SAP30L: variants seen among roughly 807,000 people sequenced by gnomAD.
SAP30L encodes the protein histone deacetylase complex subunit SAP30L.
SAP30L carries 10 observed loss-of-function variants against 22.3 expected under a neutral mutation model. The observed-to-expected ratio is 0.45, with a 90% CI of 0.28 to 0.76. The LOEUF (loss-of-function observed/expected upper bound fraction) is 0.76. Ranked by LOEUF, SAP30L falls within the 30% of genes least tolerant of loss-of-function variation. The pLI is 0.14. For synonymous variants in SAP30L, 91 were observed against 94.1 expected, an observed-to-expected ratio of 0.97 and a Z score of 0.19; for missense variants, 206 against 237.9, an observed-to-expected ratio of 0.87 and a Z score of 0.88.
chr5:154,460,334 G>C lies in SAP30L; in HGVS notation c.*4306G>C, dbSNP rs546698007. On this transcript the variant is annotated 3_prime_UTR_variant, in exon 4 of 4. Transcript: ENST00000297109. ...ATTTAAATTCTCATGAAATGTGCTT[G>C]GTCTGTGATCTCTTGGTCAGATATC... 4.6e-5 allele frequency: 7 copies of C among 152,326 alleles called. No individual in the cohort carries two copies. Among genetic ancestry groups the C allele is most frequent in the South Asian group, 4.1e-4 (2 of 4,830 alleles). 9.4% of individuals were successfully genotyped at this position (152,326 alleles called of 1,614,324 possible). A position where few individuals can be genotyped will look rare whatever the true frequency, so the allele number is the denominator to read the frequency against.
rs755162808 is a variant in SAP30L at position 154,446,790 on chromosome 5, G to A, written c.186G>A (p.Leu62=). 6.2e-7 allele frequency: 1 copy of A among 1,604,134 alleles called. No homozygotes were observed. The highest frequency in any genetic ancestry group is 1.1e-5 in the South Asian group (1 of 90,146). The change falls in exon 1 of 4, where the codon CTG becomes CTA. Residue 62 remains leucine, a synonymous_variant. Transcript: ENST00000297109. ...QKSISQKKLK[L]DIDKSVRHLY... ...GCATCTCGCAGAAGAAACTCAAGCTGGACATCGACAAGAGCGTGAGTCCGC... is the reference window on the plus strand; with the variant it reads ...GCATCTCGCAGAAGAAACTCAAGCTAGACATCGACAAGAGCGTGAGTCCGC...
Position 154,449,326 on chromosome 5 carries a change from G to C in SAP30L, c.202-1765G>C, listed in dbSNP as rs189542417. The stretch of plus-strand genomic sequence containing the variant: ...CTGGAGTAGGAAAAGACATGTACTG[G>C]GGGGGCAGAAGGCCTGGGTGACCTT... On this transcript the variant is annotated intron_variant, in intron 1 of 3. Coordinates refer to ENST00000297109, the MANE Select transcript of SAP30L (RefSeq NM_024632.6). Among the ~76,000 whole-genome samples the C allele has an allele frequency of 5.2e-3, 784 of 152,218 alleles. 7 individuals are homozygous for C. Among genetic ancestry groups the C allele is most frequent in the African/African-American group, 0.018 (729 of 41,522 alleles).
chr5:154,447,952 C>CT (rs1219989822), intron 1 of SAP30L, among the ~76,000 whole-genome samples: 17 of 115,446 alleles, frequency 1.5e-4, no homozygotes, highest in South Asian at 2.9e-4. Flanking sequence ...TTTTTCTTTT[C>CT]TTTTTTTTTT....
chr5:154,456,169 G>T lies in SAP30L; in HGVS notation c.*141G>T. The T allele has an allele frequency of 2.4e-6, 2 of 817,474 alleles. No homozygotes were observed. The highest frequency in any genetic ancestry group is 3.6e-6 in the Non-Finnish European group (2 of 558,934). 50.6% of individuals were successfully genotyped at this position (817,474 alleles called of 1,614,324 possible). On this transcript the variant is annotated 3_prime_UTR_variant, in exon 4 of 4. Coordinates refer to ENST00000297109, the MANE Select transcript of SAP30L (RefSeq NM_024632.6). ...TGAATACTGTAAATCTTTTTGGTCA[G>T]GAGGATTATATTCTCATGATTCAGC...
rs186726096 is a variant in SAP30L at position 154,449,578 on chromosome 5, G to A, written c.202-1513G>A. On this transcript the variant is annotated intron_variant, in intron 1 of 3. Coordinates refer to ENST00000297109, the MANE Select transcript of SAP30L (RefSeq NM_024632.6). ...AACTTGAGGAGCAGTTGATCTGAGTGGACTCGCCAGTCTAGCTAACATGGA... is the reference window on the plus strand; with the variant it reads ...AACTTGAGGAGCAGTTGATCTGAGTAGACTCGCCAGTCTAGCTAACATGGA... Among the ~76,000 whole-genome samples, 342 of 152,302 alleles carry A rather than the reference G, an allele frequency of 2.2e-3. 2 individuals are homozygous for A. Among genetic ancestry groups the A allele is most frequent in the African/African-American group, 7.6e-3 (314 of 41,558 alleles).
At chr5:154,447,007 A>G (rs1171633398) in intron 1 of SAP30L, among the ~76,000 whole-genome samples, 2 of 152,138 alleles carry the variant, frequency 1.3e-5, no homozygotes, top group Non-Finnish European at 2.9e-5. Context: ...ATCCGGGAGG[A>G]TGGGGGCGGG....
chr5:154,455,191 T>C (rs1284682781), intron 3 of SAP30L, among the ~76,000 whole-genome samples: 1 of 152,196 alleles, frequency 6.6e-6, no homozygotes, highest in African/African-American at 2.4e-5. Context: ...GTGCTAGGAT[T>C]ACAGGTGTGA....
chr5:154,455,960 A>G lies in SAP30L; in HGVS notation c.484A>G (p.Ile162Val), dbSNP rs916419432. ...VNEKETLAYF[I>V]YMVKSNKSRL... ...TGAAAAAGAGACCCTTGCCTACTTCATCTACATGGTGAAGAGTAACAAGAG... is the reference window on the plus strand; with the variant it reads ...TGAAAAAGAGACCCTTGCCTACTTCGTCTACATGGTGAAGAGTAACAAGAG... The change falls in exon 4 of 4, where the codon ATC (isoleucine) becomes GTC (valine). Residue 162 changes from isoleucine to valine, a missense_variant. Coordinates refer to ENST00000297109, the MANE Select transcript of SAP30L (RefSeq NM_024632.6). 9 of 1,614,058 alleles carry G rather than the reference A, an allele frequency of 5.6e-6. No homozygotes were observed. The highest frequency in any genetic ancestry group is 1.6e-4 in the Middle Eastern group (1 of 6,084).
Position 154,451,142 on chromosome 5 carries a change from C to T in SAP30L, c.253C>T (p.Arg85Ter), listed in dbSNP as rs1397667224. Residue 85 changes from arginine (R) to a stop codon, truncating the protein, a stop_gained, in exon 2 of 4, where the codon CGA (arginine) becomes TGA (stop). Transcript: ENST00000297109. LOFTEE classifies it high-confidence loss of function. ...TCACAAAAATTTCATCCAGAGTGTC[C>T]GAAATAAAAGGAAGAGGAAGACAAG... is the stretch of plus-strand genomic sequence containing the variant. ...DFHKNFIQSV[R>*]NKRKRKTSDD... 1.2e-6 allele frequency: 2 copies of T among 1,613,756 alleles called. No homozygotes were observed. Among genetic ancestry groups the T allele is most frequent in the African/African-American group, 1.3e-5 (1 of 74,860 alleles).
rs1582046508 is a variant in SAP30L, at chr5:154,457,046, C to T, written c.*1018C>T. 6.6e-6 allele frequency: 1 copy of T among 152,208 alleles called. No homozygotes were observed. Among genetic ancestry groups the T allele is most frequent in the Non-Finnish European group, 1.5e-5 (1 of 68,042 alleles). 9.4% of individuals were successfully genotyped at this position (152,208 alleles called of 1,614,324 possible). Reference sequence around the variant, plus strand: ...TTGAAAGTCTGGCTGGCCTTGACTCCCTGGGCTCTGGTCATCAGCAAATCA... The same window carrying T: ...TTGAAAGTCTGGCTGGCCTTGACTCTCTGGGCTCTGGTCATCAGCAAATCA... On this transcript the variant is annotated 3_prime_UTR_variant, in exon 4 of 4. Transcript: ENST00000297109.
chr5:154,446,351 C>T lies in SAP30L; in HGVS notation c.-254C>T. 1 of 377,200 alleles carries T rather than the reference C, an allele frequency of 2.7e-6. No homozygotes were observed. Among genetic ancestry groups the T allele is most frequent in the Non-Finnish European group, 4.7e-6 (1 of 212,548 alleles). 23.4% of individuals were successfully genotyped at this position (377,200 alleles called of 1,614,324 possible). ...CCGGCAGAAGGCTCCTCCGGGTGACCCCCGGCGGGGCCCTGCGAGCCGCGG... is the reference window on the plus strand; with the variant it reads ...CCGGCAGAAGGCTCCTCCGGGTGACTCCCGGCGGGGCCCTGCGAGCCGCGG... On this transcript the variant is annotated 5_prime_UTR_variant, in exon 1 of 4. Transcript: ENST00000297109.
At chr5:154,449,257 T>G (rs887572129) in intron 1 of SAP30L, among the ~76,000 whole-genome samples, 2 of 152,202 alleles carry the variant, frequency 1.3e-5, no homozygotes, top group African/African-American at 4.8e-5. Flanking sequence ...TGCTTTTTTT[T>G]TCCTGGAGAA....
rs1335967578 is a variant in SAP30L, at chr5:154,460,083, T to C, written c.*4055T>C. 1 of 152,230 alleles carries C rather than the reference T, an allele frequency of 6.6e-6. No individual in the cohort carries two copies. The highest frequency in any genetic ancestry group is 2.4e-5 in the African/African-American group (1 of 41,458). The allele number at this position is 152,230 out of a possible 1,614,324, so 9.4% of individuals were successfully genotyped here. A position where few individuals can be genotyped will look rare whatever the true frequency, so the allele number is the denominator to read the frequency against. ...TTCTTTCTGACCTATAGGATGACTC[T>C]AATTCAGTCTAAATCGGCTGCCCTC... On this transcript the variant is annotated 3_prime_UTR_variant, in exon 4 of 4. Transcript: ENST00000297109.
chr5:154,447,538 A>G (rs1374097391), intron 1 of SAP30L, among the ~76,000 whole-genome samples: 2 of 152,236 alleles, frequency 1.3e-5, no homozygotes, highest in African/African-American at 2.4e-5. Context: ...ACAATTCTGA[A>G]GCTGTGCCTA....
intron 2 of SAP30L, chr5:154,453,077 G>A (rs532732352): frequency 4.4e-6 from 1 of 226,254 alleles, no homozygotes; most frequent in Non-Finnish European, 8.7e-6. Context: ...GCCCATCTGT[G>A]CCTCTCCCAG....
chr5:154,448,868 G>A (rs1436492101), intron 1 of SAP30L, among the ~76,000 whole-genome samples: 1 of 152,128 alleles, frequency 6.6e-6, no homozygotes, highest in Non-Finnish European at 1.5e-5. Flanking sequence ...GTGTTGTGGA[G>A]TCATTATTTC....
intron 2 of SAP30L, 133 bp from the exon 3 acceptor site, chr5:154,453,269 C>T (rs1341884137): frequency 2.2e-5 from 14 of 638,250 alleles, no homozygotes; most frequent in South Asian, 1.8e-4. Context: ...CCTCAATAGA[C>T]CATTTCTAAG....
In SAP30L at chr5:154,447,504, G is replaced by C. The variant is rs867542938; in HGVS notation, c.201+699G>C. On this transcript the variant is annotated intron_variant, in intron 1 of 3. Coordinates refer to ENST00000297109, the MANE Select transcript of SAP30L (RefSeq NM_024632.6). Reference sequence around the variant, plus strand: ...TGGCTTATTATAGGAAACTCCTCCCGTGTGACTTCACCACTTCTAGTTAAC... The same window carrying C: ...TGGCTTATTATAGGAAACTCCTCCCCTGTGACTTCACCACTTCTAGTTAAC... Among the ~76,000 whole-genome samples, 6 of 152,334 alleles carry C rather than the reference G, an allele frequency of 3.9e-5. No homozygotes were observed. In the South Asian group the frequency reaches 1.2e-3, roughly 32 times the overall value.
intron 3 of SAP30L, among the ~76,000 whole-genome samples, chr5:154,453,983 A>G (rs562787515): frequency 1.3e-5 from 2 of 152,272 alleles, no homozygotes; most frequent in African/African-American, 4.8e-5. Context: ...GCACACCCCT[A>G]TGCACAGCTA....
Sources: allele counts gnomAD v4.1 joint callset (sites outside exome capture counted in the v4.1 genomes callset), GRCh38; gene constraint gnomAD v4.1.1; transcripts MANE v1.5; gene names NCBI Gene and HGNC (gene_info 2026-07-23, HGNC 2026-07-21).